Variants in KLHL35 observed in about 807,000 individuals in gnomAD.
KLHL35 encodes kelch like family member 35, also known as kelch-like protein 35.
In KLHL35, 50 loss-of-function variants were observed where a neutral mutation model predicts 44.0. The observed-to-expected ratio is 1.14, with a 90% CI of 0.91 to 1.44. The LOEUF is 1.44. Among genes scored for constraint, KLHL35 ranks in the 40% most tolerant of loss-of-function variants. KLHL35 has a pLI of 0.00. For missense variants in KLHL35, 1,049 were observed against 887.8 expected (o/e 1.18, Z -2.31); for synonymous variants, 470 against 410.4 (o/e 1.15, Z -1.76).
chr11:75,425,449 CG>C lies in KLHL35; in HGVS notation c.1317del (p.Cys439TrpfsTer7). 6.4e-7 allele frequency: 1 copy of C among 1,571,580 alleles called. No individual in the cohort carries two copies. The highest frequency in any genetic ancestry group is 8.6e-7 in the Non-Finnish European group (1 of 1,165,076). ...CCCCCAATCACGAAGAGCTTGCCCG[CG>C]CAGGACGCCACCGCCGCCGAGCTCA... The part of the protein sequence containing the change: ...EAVSSAAVAS[C>X]AGKLFVIGGA... On this transcript the variant is annotated frameshift_variant, in exon 5 of 7. Coordinates refer to ENST00000539798, the MANE Select transcript of KLHL35 (RefSeq NM_001039548.3). LOFTEE classifies it high-confidence loss of function.
Position 75,432,255 on chromosome 11 carries a change from G to A in KLHL35, c.-2+788C>T, listed in dbSNP as rs115917529. Among the ~76,000 whole-genome samples, 652 of 152,312 alleles carry A rather than the reference G, an allele frequency of 4.3e-3. 9 individuals carry two copies. The highest frequency in any genetic ancestry group is 0.015 in the African/African-American group (632 of 41,556). On this transcript the variant is annotated intron_variant, in intron 1 of 6. Transcript: ENST00000539798. ...CTCTGGAGGTCAGATCCCGCCTAGT[G>A]TCAGCCTGGCTTTCATGCCCTGGTC...
rs1204665805 is a variant in KLHL35 at position 75,433,196 on chromosome 11, G to C, written c.-155C>G. Reference sequence around the variant, plus strand: ...TTGCTGTTCGCTCGGGCTCAGCTGCGGGAGGACAAAGGGGCTGGACGCCAG... The same window carrying C: ...TTGCTGTTCGCTCGGGCTCAGCTGCCGGAGGACAAAGGGGCTGGACGCCAG... On this transcript the variant is annotated 5_prime_UTR_variant, in exon 1 of 7. Transcript: ENST00000539798. Among the ~76,000 whole-genome samples, 1 of 152,156 alleles carries C rather than the reference G, an allele frequency of 6.6e-6. No individual in the cohort carries two copies. Among genetic ancestry groups the C allele is most frequent in the Non-Finnish European group, 1.5e-5 (1 of 68,022 alleles).
At chr11:75,431,568 C>G (rs1393095651) in intron 1 of KLHL35, among the ~76,000 whole-genome samples, 1 of 152,202 alleles carries the variant, frequency 6.6e-6, no homozygotes, top group African/African-American at 2.4e-5. Flanking sequence ...AGCTGGCCCT[C>G]TCTCTAGTGA....
At position 75,426,653 on chromosome 11, in the gene KLHL35, G is replaced by A; in HGVS notation, c.1067-15C>T. 2 of 1,540,532 alleles carry A rather than the reference G, an allele frequency of 1.3e-6. No homozygotes were observed. The highest frequency in any genetic ancestry group is 1.2e-5 in the South Asian group (1 of 85,642). ...GATGTGGCCTCCTAGGGAGAGAGAA[G>A]CAGCTGTTGCCCATCGGCTCTCTTG... On this transcript the variant is annotated splice_polypyrimidine_tract_variant and intron_variant, in intron 3 of 6. Transcript: ENST00000539798.
rs1948508713 is a variant in KLHL35, at chr11:75,428,490, G to A, written c.1018C>T (p.Arg340Cys). 2 of 1,612,436 alleles carry A rather than the reference G, an allele frequency of 1.2e-6. No homozygotes were observed. Among genetic ancestry groups the A allele is most frequent in the Non-Finnish European group, 8.5e-7 (1 of 1,179,886 alleles). ...AGAGCACAGGCGGCGAATTCTGAGC[G>A]AGTGTAGCCGGGCAGGCTGGGCAGT... ...TPLPSLPGYT[R>C]SEFAACALRN... Residue 340 changes from arginine (R) to cysteine (C), a missense_variant, in exon 3 of 7, where the codon CGC (arginine) becomes TGC (cysteine). Transcript: ENST00000539798.
In KLHL35 at chr11:75,423,786, G is replaced by C; in HGVS notation, c.1469C>G (p.Thr490Ser). 6.2e-7 allele frequency: 1 copy of C among 1,613,836 alleles called. No homozygotes were observed. The highest frequency in any genetic ancestry group is 8.5e-7 in the Non-Finnish European group (1 of 1,179,802). ...CATGAGACCCCCCATGACATAGATGGTGTCCTCAAGGGAGACAGCCTCGAG... is the reference window on the plus strand; with the variant it reads ...CATGAGACCCCCCATGACATAGATGCTGTCCTCAAGGGAGACAGCCTCGAG... ...RCLEAVSLEDTIYVMGGLMSK... is the reference protein window; with the variant it reads ...RCLEAVSLEDSIYVMGGLMSK... Residue 490 changes from threonine to serine, a missense_variant, in exon 6 of 7, where the codon ACC (threonine) becomes AGC (serine). Physicochemically the swap from Thr to Ser is moderately conservative, Grantham distance 58. Transcript: ENST00000539798.
Position 75,430,321 on chromosome 11 carries a change from C to A in KLHL35, c.309G>T (p.Leu103=). 7.9e-7 allele frequency: 1 copy of A among 1,262,572 alleles called. No homozygotes were observed. Among genetic ancestry groups the A allele is most frequent in the Non-Finnish European group, 1.0e-6 (1 of 1,004,156 alleles). The allele number at this position is 1,262,572 out of a possible 1,614,324, so 78.2% of individuals were successfully genotyped here. Residue 103 remains leucine, a synonymous_variant, in exon 2 of 7, where the codon CTG becomes CTT. Transcript: ENST00000539798. ...GTSPAGAAAA[L]AVVLDYVYGA... Reference sequence around the variant, plus strand: ...CGTACACGTAGTCGAGCACCACGGCCAGCGCCGCCGCCGCCCCGGCCGGGC... The same window carrying A: ...CGTACACGTAGTCGAGCACCACGGCAAGCGCCGCCGCCGCCCCGGCCGGGC...
Position 75,430,267 on chromosome 11 carries a change from G to A in KLHL35, c.363C>T (p.Asp121=), listed in dbSNP as rs900225087. 13 of 1,204,222 alleles carry A rather than the reference G, an allele frequency of 1.1e-5. No individual in the cohort carries two copies. The highest frequency in any genetic ancestry group is 1.3e-5 in the Non-Finnish European group (13 of 972,774). 74.6% of individuals were successfully genotyped at this position (1,204,222 alleles called of 1,614,324 possible). The change falls in exon 2 of 7, where the codon GAC becomes GAT. Residue 121 remains aspartate (D), a synonymous_variant. Coordinates refer to ENST00000539798, the MANE Select transcript of KLHL35 (RefSeq NM_001039548.3). ...CCAGCGCCAGCACGGCCGCCGCCTC[G>A]TCCTCCGCGCGCAGCCGCACGCCCG... ...YGAGVRLRAE[D]EAAAVLALAE... is the part of the protein sequence containing the mutation.
rs762673343 is a variant in KLHL35 at position 75,423,728 on chromosome 11, A to G, written c.1527T>C (p.Asp509=). 15 of 1,613,746 alleles carry G rather than the reference A, an allele frequency of 9.3e-6. No homozygotes were observed. The highest frequency in any genetic ancestry group is 1.7e-5 in the Admixed American group (1 of 60,014). Residue 509 remains aspartate, a synonymous_variant, in exon 6 of 7, where the codon GAT becomes GAC. Coordinates refer to ENST00000539798, the MANE Select transcript of KLHL35 (RefSeq NM_001039548.3). ...GGAGGACAGCTGCCTCCCCCCACAC[A>G]TCTGTGCCTGGATCATAGGTGAAGA... The part of the protein sequence containing the change: ...SKIFTYDPGT[D]VWGEAAVLPS...
Position 75,429,397 on chromosome 11 carries a change from GC to G in KLHL35, c.881+351del, listed in dbSNP as rs1176429325. Among the ~76,000 whole-genome samples the G allele has an allele frequency of 2.6e-5, 4 of 152,288 alleles. No individual in the cohort carries two copies. The East Asian group carries it at 7.7e-4, about 29-fold the overall frequency. On this transcript the variant is annotated intron_variant, in intron 2 of 6. Coordinates refer to ENST00000539798, the MANE Select transcript of KLHL35 (RefSeq NM_001039548.3). ...CAGGCTGCTTTCACTACTTCCCCAT[GC>G]CCCTGCCTATTTCTATCCCTCATTA...
chr11:75,424,447 GCT>G (rs1238212361), intron 5 of KLHL35: 3 of 153,030 alleles, frequency 2.0e-5, no homozygotes, highest in African/African-American at 7.2e-5. Flanking sequence ...TATTTCTACA[GCT>G]GTCCACATGC....
intron 4 of KLHL35, chr11:75,425,978 C>CA (rs1055528803): frequency 6.2e-6 from 1 of 161,454 alleles, no homozygotes; most frequent in Non-Finnish European, 1.3e-5. Context: ...TTTTTTGAGA[C>CA]AAAGTCTCGC....
At chr11:75,427,131 G>A (rs1948498950) in intron 3 of KLHL35, among the ~76,000 whole-genome samples, 1 of 152,174 alleles carries the variant, frequency 6.6e-6, no homozygotes, top group Non-Finnish European at 1.5e-5. Context: ...CCCTCCATGA[G>A]GTGTTGGGAA....
intron 2 of KLHL35, 163 bp from the exon 3 acceptor site, chr11:75,428,789 C>T: frequency 1.7e-6 from 1 of 584,854 alleles, no homozygotes; most frequent in South Asian, 2.4e-5. Context: ...CCTGCCACTT[C>T]CAACTTTGCC....
intron 4 of KLHL35, chr11:75,425,957 C>CTTTT: frequency 6.5e-6 from 1 of 153,424 alleles, no homozygotes. Flanking sequence ...AGATAATTGA[C>CTTTT]TTTTTTTTTT....
intron 6 of KLHL35, 115 bp downstream of exon 6, chr11:75,423,577 G>A: frequency 1.2e-6 from 1 of 819,964 alleles, no homozygotes; most frequent in Non-Finnish European, 2.0e-6. Context: ...GTGAGGATGA[G>A]CTAGAGAGTG....
At chr11:75,425,999 AG>A (rs1412370476) in intron 4 of KLHL35, 1 of 159,202 alleles carries the variant, frequency 6.3e-6, no homozygotes, top group African/African-American at 2.4e-5. Context: ...TCTGTTGCCC[AG>A]GCTGGAGTGT....
At chr11:75,427,285 C>T (rs1487483849) in intron 3 of KLHL35, among the ~76,000 whole-genome samples, 1 of 152,192 alleles carries the variant, frequency 6.6e-6, no homozygotes, top group Non-Finnish European at 1.5e-5. Context: ...GAGGACATGG[C>T]ATGCCCTATG....
At chr11:75,432,547 C>T (rs1392242548) in intron 1 of KLHL35, among the ~76,000 whole-genome samples, 1 of 152,174 alleles carries the variant, frequency 6.6e-6, no homozygotes, top group African/African-American at 2.4e-5. Flanking sequence ...AGTTGAGACT[C>T]AAGAGGGCAG....
Sources: gnomAD v4.1 joint callset for allele counts (sites outside exome capture counted in the v4.1 genomes callset) on GRCh38, gnomAD v4.1.1 for gene constraint, MANE v1.5 for transcripts, NCBI Gene and HGNC (gene_info 2026-07-23, HGNC 2026-07-21) for gene names.